KIF26B: variants seen among roughly 807,000 people sequenced by gnomAD.
The protein encoded by KIF26B is kinesin family member 26B, also known as kinesin-like protein KIF26B.
Under a neutral mutation model 151.2 loss-of-function variants are expected in KIF26B, and 63 were observed. The ratio of observed to expected loss-of-function variants is 0.42; its 90% CI spans 0.34 to 0.51. The LOEUF is 0.51. KIF26B is among the 20% of genes least tolerant of loss of function. The pLI is 0.07. For synonymous variants in KIF26B, 1,357 were observed against 1,262.1 expected, an observed-to-expected ratio of 1.08 and a Z score of -1.59; for missense variants, 2,813 against 2,913.6, an observed-to-expected ratio of 0.97 and a Z score of 0.79.
rs572397497 is a variant in KIF26B at position 245,689,392 on chromosome 1, C to A, written c.5824+585C>A. The stretch of plus-strand genomic sequence containing the variant: ...CCTCTCTCAGGGATGTGGGATAACG[C>A]ACAGATTGTCCCATTGAAAGTGGAA... On this transcript the variant is annotated intron_variant, in intron 12 of 14. Coordinates refer to ENST00000407071, the MANE Select transcript of KIF26B (RefSeq NM_018012.4). 4.9e-3 allele frequency among the ~76,000 whole-genome samples: 743 copies of A among 152,258 alleles called. 4 individuals carry two copies. Among genetic ancestry groups the A allele is most frequent in the Non-Finnish European group, 8.3e-3 (563 of 68,018 alleles).
chr1:245,612,052 CTTTGTG>C lies in KIF26B; in HGVS notation c.2098+78_2098+83del, dbSNP rs1229390521. The C allele has an allele frequency of 2.1e-5, 22 of 1,031,976 alleles. No individual in the cohort carries two copies. In the African/African-American group the frequency reaches 3.8e-4, roughly 18 times the overall value. 63.9% of individuals were successfully genotyped at this position (1,031,976 alleles called of 1,614,324 possible). The stretch of plus-strand genomic sequence containing the variant: ...CAGAAATCCCTTGGGCAACCATGAC[CTTTGTG>C]TGTGTGTGTGTGTGTGTGTGTGTGT... On this transcript the variant is annotated intron_variant, in intron 9 of 14. Coordinates refer to ENST00000407071, the MANE Select transcript of KIF26B (RefSeq NM_018012.4).
intron 2 of KIF26B, among the ~76,000 whole-genome samples, chr1:245,236,814 G>A (rs1009925531): frequency 6.6e-5 from 10 of 152,212 alleles, no homozygotes; most frequent in African/African-American, 2.2e-4. Flanking sequence ...GGATTTGCTC[G>A]CTGCTGTATC....
rs1157634485 is a variant in KIF26B at position 245,287,494 on chromosome 1, C to CTTTTTTTTTTTTTTTTTTTTTTTTTTT, written c.466-79339_466-79338insTTTTTTTTTTTTTTTTTTTTTTTTTTT. Among the ~76,000 whole-genome samples, 7 of 113,172 alleles carry CTTTTTTTTTTTTTTTTTTTTTTTTTTT rather than the reference C, an allele frequency of 6.2e-5. 3 individuals are homozygous for CTTTTTTTTTTTTTTTTTTTTTTTTTTT. The highest frequency in any genetic ancestry group is 8.4e-5 in the African/African-American group (2 of 23,844). 74.2% of individuals were successfully genotyped at this position (113,172 alleles called of 152,430 possible). Reference sequence around the variant, plus strand: ...GGGTCCCTGTGTGTCTCATCTCTCTCTCTCTTTTTTTTTTTTTTTTTTTCC... The same window carrying CTTTTTTTTTTTTTTTTTTTTTTTTTTT: ...GGGTCCCTGTGTGTCTCATCTCTCTCTTTTTTTTTTTTTTTTTTTTTTTTTTTTCTCTTTTTTTTTTTTTTTTTTTCC... On this transcript the variant is annotated intron_variant, in intron 2 of 14. Transcript: ENST00000407071.
intron 3 of KIF26B, among the ~76,000 whole-genome samples, chr1:245,369,195 G>GAGAGAGAGAGAGAGACAGACAGAC (rs375330671): frequency 3.2e-4 from 42 of 129,606 alleles, no homozygotes; most frequent in African/African-American, 9.7e-4. Flanking sequence ...GAGAGAGAGA[G>GAGAGAGAGAGAGAGACAGACAGAC]AGACAGACAG....
intron 9 of KIF26B, among the ~76,000 whole-genome samples, chr1:245,623,096 A>G (rs916049254): frequency 4.7e-5 from 7 of 148,044 alleles, no homozygotes; most frequent in Admixed American, 1.4e-4. Flanking sequence ...GAGCTACAAT[A>G]AACTGTACAT....
chr1:245,607,465 T>C (rs1465906697), intron 6 of KIF26B, among the ~76,000 whole-genome samples, 186 bp from the exon 7 acceptor site: 1 of 152,174 alleles, frequency 6.6e-6, no homozygotes, highest in African/African-American at 2.4e-5. Context: ...ATGCTCAGGC[T>C]TGCAAAGGGC....
chr1:245,511,376 G>A (rs1375523061), intron 4 of KIF26B, among the ~76,000 whole-genome samples: 2 of 152,214 alleles, frequency 1.3e-5, no homozygotes, highest in Non-Finnish European at 2.9e-5. Flanking sequence ...TCCTCCGGAG[G>A]ATGGGAATGA....
chr1:245,496,621 A>C (rs747586053), intron 4 of KIF26B, among the ~76,000 whole-genome samples: 39 of 152,194 alleles, frequency 2.6e-4, no homozygotes, highest in Admixed American at 1.3e-3. Flanking sequence ...TTCAAGAAAG[A>C]AGAGGAAAGA....
chr1:245,388,410 G>A (rs1338715346), intron 3 of KIF26B, among the ~76,000 whole-genome samples: 12 of 152,178 alleles, frequency 7.9e-5, no homozygotes, highest in African/African-American at 1.2e-4. Context: ...AGCAAAAGCC[G>A]CTACTTGCAA....
chr1:245,472,061 G>C (rs1291978267), intron 4 of KIF26B, among the ~76,000 whole-genome samples: 1 of 152,132 alleles, frequency 6.6e-6, no homozygotes, highest in Non-Finnish European at 1.5e-5. Flanking sequence ...CAAAGTGCTG[G>C]GATTACAGGC....
chr1:245,445,082 A>G (rs563766102), intron 4 of KIF26B, among the ~76,000 whole-genome samples: 2 of 152,274 alleles, frequency 1.3e-5, no homozygotes, highest in East Asian at 1.9e-4. Flanking sequence ...CTCACTTCGT[A>G]TCTGTCATCA....
At chr1:245,532,858 A>G (rs1057009736) in intron 4 of KIF26B, among the ~76,000 whole-genome samples, 7 of 152,198 alleles carry the variant, frequency 4.6e-5, no homozygotes, top group Non-Finnish European at 8.8e-5. Flanking sequence ...ACAAAGGTGA[A>G]GGTGGATGCT....
At position 245,698,957 on chromosome 1, in the gene KIF26B, C is replaced by T. The variant is rs369707533; in HGVS notation, c.6098C>T (p.Ala2033Val). The stretch of plus-strand genomic sequence containing the variant: ...CAGCAGAGGATCGCCGAGGTCCGCG[C>T]GAAGTACGAGTGGCTGATGAAGGAG... ...HRQQRIAEVR[A>V]KYEWLMKELE... is the part of the protein sequence containing the mutation. Residue 2033 changes from alanine (A) to valine (V), a missense_variant, in exon 14 of 15, where the codon GCG becomes GTG. By Grantham distance (64) the Ala-to-Val change is moderately conservative (BLOSUM62 0). Transcript: ENST00000407071. This position sits in a 1 kb window ranked among gnomAD's most constrained non-coding sequence, Gnocchi z 4.0. The T allele has an allele frequency of 1.1e-4, 177 of 1,614,006 alleles. No homozygotes were observed. The East Asian group carries it at 1.3e-3, about 12-fold the overall frequency.
At chr1:245,186,150 G>A (rs867983856) in intron 2 of KIF26B, among the ~76,000 whole-genome samples, 1 of 152,060 alleles carries the variant, frequency 6.6e-6, no homozygotes, top group Non-Finnish European at 1.5e-5. Flanking sequence ...TGGGATTACA[G>A]GCGTGGGCCA....
chr1:245,315,502 A>C (rs567856241), intron 2 of KIF26B, among the ~76,000 whole-genome samples: 7 of 152,022 alleles, frequency 4.6e-5, no homozygotes, highest in African/African-American at 1.7e-4. Context: ...CAGGTGGATC[A>C]CCTGAGGTCA....
At chr1:245,341,153 A>G (rs891809995) in intron 2 of KIF26B, among the ~76,000 whole-genome samples, 8 of 152,126 alleles carry the variant, frequency 5.3e-5, no homozygotes, top group African/African-American at 7.2e-5. Flanking sequence ...TCAGTGCTCC[A>G]GAGTCAAGTG....
chr1:245,170,550 C>T lies in KIF26B; in HGVS notation c.465+13867C>T, dbSNP rs1181089834. On this transcript the variant is annotated intron_variant, in intron 2 of 14. Transcript: ENST00000407071. This position sits in a 1 kb window ranked among gnomAD's most constrained non-coding sequence, Gnocchi z 4.4. ...GGGTGGCTTATAAACAACAGAAATA[C>T]TGATTTCTCACGGTTCTGGAGGCTG... is the stretch of plus-strand genomic sequence containing the variant. Among the ~76,000 whole-genome samples, 2 of 152,166 alleles carry T rather than the reference C, an allele frequency of 1.3e-5. No individual in the cohort carries two copies. Among genetic ancestry groups the T allele is most frequent in the East Asian group, 1.9e-4 (1 of 5,192 alleles).
intron 4 of KIF26B, among the ~76,000 whole-genome samples, chr1:245,427,130 C>T (rs1331141732): frequency 2.6e-5 from 4 of 152,148 alleles, no homozygotes; most frequent in African/African-American, 9.7e-5. Flanking sequence ...AAAAACTACC[C>T]TAAACATACC....
intron 3 of KIF26B, among the ~76,000 whole-genome samples, chr1:245,411,826 C>T (rs1262389026): frequency 6.6e-6 from 1 of 152,102 alleles, no homozygotes; most frequent in African/African-American, 2.4e-5. Flanking sequence ...CTCTTATGAG[C>T]AAAGACTGAA....
Sources: allele counts gnomAD v4.1 joint callset (sites outside exome capture counted in the v4.1 genomes callset), GRCh38; gene constraint gnomAD v4.1.1; non-coding constraint Gnocchi (gnomAD v3.1); transcripts MANE v1.5; gene names NCBI Gene and HGNC (gene_info 2026-07-23, HGNC 2026-07-21).